LHCGR: variants seen among roughly 807,000 people sequenced by gnomAD.
LHCGR encodes lutropin-choriogonadotropic hormone receptor.
LHCGR carries 55 observed loss-of-function variants against 60.7 expected under a neutral mutation model. The ratio of observed to expected loss-of-function variants is 0.91; its 90% CI spans 0.73 to 1.13. The LOEUF is 1.13. Among genes scored for constraint, LHCGR ranks in the 50% most tolerant of loss-of-function variants. LHCGR has a pLI of 0.00. For synonymous variants in LHCGR, 337 were observed against 316.5 expected, an observed-to-expected ratio of 1.06 and a Z score of -0.69; for missense variants, 862 against 836.0, an observed-to-expected ratio of 1.03 and a Z score of -0.38.
intron 8 of LHCGR, among the ~76,000 whole-genome samples, chr2:48,699,756 C>G (rs758771575): frequency 6.6e-6 from 1 of 152,248 alleles, no homozygotes; most frequent in Admixed American, 6.5e-5. Context: ...GCCTTGCAAG[C>G]TGAACTGTGT....
intron 1 of LHCGR, among the ~76,000 whole-genome samples, chr2:48,735,496 A>C (rs947118545): frequency 6.6e-6 from 1 of 152,038 alleles, no homozygotes; most frequent in Admixed American, 6.5e-5. Flanking sequence ...CTTTTTCTCA[A>C]TCACCAGATC....
At position 48,702,743 on chromosome 2, in the gene LHCGR, A is replaced by T. The variant is rs558288656; in HGVS notation, c.681-3943T>A. On this transcript the variant is annotated intron_variant, in intron 8 of 10. Coordinates refer to ENST00000294954, the MANE Select transcript of LHCGR (RefSeq NM_000233.4). ...AACATACGTGTGCATGTGTCTTTAT[A>T]GCAGCATGATCCTTTAATAGTACAA... is the stretch of plus-strand genomic sequence containing the variant. 2.0e-5 allele frequency among the ~76,000 whole-genome samples: 3 copies of T among 152,326 alleles called. No homozygotes were observed. The South Asian group carries it at 6.2e-4, about 32-fold the overall frequency.
rs1572802134 is a variant in LHCGR, at chr2:48,688,140, C to G, written c.1657G>C (p.Val553Leu). The G allele has an allele frequency of 1.2e-6, 2 of 1,614,076 alleles. No homozygotes were observed. The highest frequency in any genetic ancestry group is 4.5e-5 in the East Asian group (2 of 44,876). ...GTAGCCATTAATTCTGGGTTTCGAA[C>G]TGCAAAATAAATTTTAATGTAGCAA... The part of the protein sequence containing the change: ...CACYIKIYFA[V>L]RNPELMATNK... The change falls in exon 11 of 11, where the codon GTT becomes CTT. Residue 553 changes from valine to leucine, a missense_variant. Transcript: ENST00000294954. The surrounding 1 kb of genome is among the most constrained non-coding windows in gnomAD (Gnocchi z 5.2).
At position 48,749,700 on chromosome 2, in the gene LHCGR, T is replaced by C. The variant is rs531551604; in HGVS notation, c.161+5811A>G. On this transcript the variant is annotated intron_variant, in intron 1 of 10. Transcript: ENST00000294954. ...GCAGAACTGGAGCCCTGAATTAATC[T>C]GATTTACTGCTTTTGAAATTAAAAA... 2.0e-5 allele frequency among the ~76,000 whole-genome samples: 3 copies of C among 149,346 alleles called. No individual in the cohort carries two copies. The East Asian group carries it at 5.9e-4, about 29-fold the overall frequency.
Position 48,688,544 on chromosome 2 carries a change from A to G in LHCGR, c.1253T>C (p.Val418Ala), listed in dbSNP as rs201866814. ...GTACTGGCCCTTGGTTTGGGAATCA[A>G]CTGAGGCTATGAGCAGCAGATAGAG... ...MGLYLLLIASVDSQTKGQYYN... is the reference protein window; with the variant it reads ...MGLYLLLIASADSQTKGQYYN... The change falls in exon 11 of 11, where the codon GTT (valine) becomes GCT (alanine). Residue 418 changes from valine (V) to alanine (A), a missense_variant. By Grantham distance (64) the Val-to-Ala change is moderately conservative (BLOSUM62 0). Transcript: ENST00000294954. This position sits in a 1 kb window ranked among gnomAD's most constrained non-coding sequence, Gnocchi z 5.2. 2.2e-5 allele frequency: 35 copies of G among 1,614,184 alleles called. No individual in the cohort carries two copies. The highest frequency in any genetic ancestry group is 4.5e-5 in the East Asian group (2 of 44,882).
At chr2:48,751,187 C>G (rs1669940007) in intron 1 of LHCGR, among the ~76,000 whole-genome samples, 1 of 152,126 alleles carries the variant, frequency 6.6e-6, no homozygotes, top group African/African-American at 2.4e-5. Flanking sequence ...TACTTAATGC[C>G]TTTGCAACCA....
chr2:48,707,818 G>A (rs1667770220), intron 8 of LHCGR, among the ~76,000 whole-genome samples: 1 of 152,244 alleles, frequency 6.6e-6, no homozygotes. Flanking sequence ...CTGTGAGCAT[G>A]GGACCCAGCG....
At chr2:48,722,498 T>G (rs1348460034) in intron 6 of LHCGR, among the ~76,000 whole-genome samples, 5 of 152,124 alleles carry the variant, frequency 3.3e-5, no homozygotes, top group African/African-American at 1.2e-4. Context: ...GGGGGTGGTT[T>G]CTCATGGATG....
rs556841827 is a variant in LHCGR at position 48,753,657 on chromosome 2, G to A, written c.161+1854C>T. Among the ~76,000 whole-genome samples the A allele has an allele frequency of 2.9e-4, 44 of 152,294 alleles. 1 individual carries two copies. In the South Asian group the frequency reaches 8.7e-3, roughly 30 times the overall value. On this transcript the variant is annotated intron_variant, in intron 1 of 10. Coordinates refer to ENST00000294954, the MANE Select transcript of LHCGR (RefSeq NM_000233.4). ...ATTTACTTCAGCCTTTTCCAGGGAA[G>A]GGGGTCCCCTCCTGAGAACAGCACG...
chr2:48,750,809 C>T (rs1021869371), intron 1 of LHCGR, among the ~76,000 whole-genome samples: 2 of 152,118 alleles, frequency 1.3e-5, no homozygotes, highest in Non-Finnish European at 2.9e-5. Flanking sequence ...GAGGAATTTC[C>T]CCCTGCCCCC....
intron 1 of LHCGR, among the ~76,000 whole-genome samples, 191 bp from the exon 2 acceptor site, chr2:48,731,489 C>T (rs946700106): frequency 6.6e-6 from 1 of 152,106 alleles, no homozygotes; most frequent in Non-Finnish European, 1.5e-5. Context: ...TGGTCTTTAT[C>T]AAAGAGTGTA....
intron 1 of LHCGR, among the ~76,000 whole-genome samples, chr2:48,733,446 A>G (rs375214331): frequency 1.2e-4 from 19 of 152,306 alleles, no homozygotes; most frequent in African/African-American, 4.3e-4. Context: ...AGATCATGCA[A>G]TGGCAGTCTC....
At chr2:48,731,384 T>A in intron 1 of LHCGR, 86 bp from the exon 2 acceptor site, 2 of 879,712 alleles carry the variant, frequency 2.3e-6, no homozygotes, top group Non-Finnish European at 3.8e-6. Context: ...TATGTGTATG[T>A]GTGTGAGAGA....
At chr2:48,745,732 A>G (rs1362947854) in intron 1 of LHCGR, among the ~76,000 whole-genome samples, 4 of 150,604 alleles carry the variant, frequency 2.7e-5, no homozygotes, top group African/African-American at 9.8e-5. Flanking sequence ...GCGTTGGGAG[A>G]TATACCTAAT....
At chr2:48,726,387 A>C (rs1333650767) in intron 3 of LHCGR, among the ~76,000 whole-genome samples, 1 of 152,212 alleles carries the variant, frequency 6.6e-6, no homozygotes, top group Admixed American at 6.5e-5. Context: ...TTCCTGCCTC[A>C]CAGGTTAGTA....
rs77653396 is a variant in LHCGR at position 48,699,590 on chromosome 2, C to T, written c.681-790G>A. 6.3e-3 allele frequency among the ~76,000 whole-genome samples: 965 copies of T among 152,356 alleles called. 8 individuals are homozygous for T. Among genetic ancestry groups the T allele is most frequent in the African/African-American group, 0.022 (903 of 41,592 alleles). ...CTGCAGGAGAGGTTTTCATGAAGCA[C>T]AGCCTGGTTACTTATTAAGAGCTTC... On this transcript the variant is annotated intron_variant, in intron 8 of 10. Coordinates refer to ENST00000294954, the MANE Select transcript of LHCGR (RefSeq NM_000233.4).
chr2:48,687,742 A>G lies in LHCGR; in HGVS notation c.2055T>C (p.Cys685=). ...TCTTGTCTAGGAGAGCTGTACCTTG[A>G]CAGTGCAATGTGGACAACTTCAAGG... The part of the protein sequence containing the change: ...QSTLKLSTLH[C]QGTALLDKTR... The change falls in exon 11 of 11, where the codon TGT becomes TGC. Residue 685 remains cysteine (C), a synonymous_variant. Transcript: ENST00000294954. The G allele has an allele frequency of 6.2e-7, 1 of 1,614,168 alleles. No individual in the cohort carries two copies. Among genetic ancestry groups the G allele is most frequent in the Non-Finnish European group, 8.5e-7 (1 of 1,179,996 alleles).
chr2:48,700,734 A>G (rs988255857), intron 8 of LHCGR, among the ~76,000 whole-genome samples: 1 of 152,226 alleles, frequency 6.6e-6, no homozygotes, highest in Non-Finnish European at 1.5e-5. Flanking sequence ...GACATGCAGA[A>G]AAAGACCCCT....
chr2:48,755,191 A>C (rs1488340510), intron 1 of LHCGR, among the ~76,000 whole-genome samples: 2 of 151,570 alleles, frequency 1.3e-5, no homozygotes, highest in Admixed American at 6.6e-5. Flanking sequence ...GGAGTTGAGG[A>C]GCGTCACACC....
Sources: allele counts gnomAD v4.1 joint callset (sites outside exome capture counted in the v4.1 genomes callset), GRCh38; gene constraint gnomAD v4.1.1; non-coding constraint Gnocchi (gnomAD v3.1); transcripts MANE v1.5; gene names NCBI Gene and HGNC (gene_info 2026-07-23, HGNC 2026-07-21).